The following HLCS variants were observed in gnomAD, a reference collection of about 807,000 sequenced individuals.
HLCS encodes the protein holocarboxylase synthetase.
In HLCS, 53 loss-of-function variants were observed where a neutral mutation model predicts 75.0. The observed-to-expected ratio is 0.71, with a 90% CI of 0.57 to 0.89. HLCS has a LOEUF of 0.89. HLCS is among the 40% of genes least tolerant of loss of function. The pLI is 0.00. For synonymous variants in HLCS, 431 were observed against 428.6 expected, an observed-to-expected ratio of 1.01 and a Z score of -0.07; for missense variants, 966 against 1,074.0, an observed-to-expected ratio of 0.90 and a Z score of 1.41.
At chr21:36,883,079 C>T (rs2064298820) in intron 6 of HLCS, among the ~76,000 whole-genome samples, 1 of 152,158 alleles carries the variant, frequency 6.6e-6, no homozygotes, top group African/African-American at 2.4e-5. Flanking sequence ...TTTGGGATCT[C>T]ACAGTGACGG....
At chr21:36,978,986 T>C (rs538252609) in intron 1 of HLCS, among the ~76,000 whole-genome samples, 3,860 of 151,772 alleles carry the variant, frequency 0.025, 111 homozygotes, top group African/African-American at 0.072. Flanking sequence ...GAAAAAAAAA[T>C]TGGCCAGGTG....
chr21:36,974,754 C>CA (rs2068891866), intron 1 of HLCS: 1 of 152,210 alleles, frequency 6.6e-6, no homozygotes. Flanking sequence ...AGGGAGAAGA[C>CA]AGCCATCTCC....
At chr21:36,927,550 C>T (rs926903449) in intron 5 of HLCS, among the ~76,000 whole-genome samples, 37 of 152,312 alleles carry the variant, frequency 2.4e-4, no homozygotes, top group African/African-American at 8.7e-4. Context: ...AGATAACTAG[C>T]ATATTTATTT....
intron 6 of HLCS, among the ~76,000 whole-genome samples, chr21:36,869,477 T>A (rs2063697957): frequency 6.6e-6 from 1 of 152,208 alleles, no homozygotes; most frequent in Non-Finnish European, 1.5e-5. Flanking sequence ...CATCTCAGCA[T>A]CTACCAGAAA....
chr21:36,980,958 C>T (rs2146738504), intron 1 of HLCS: 1 of 134,290 alleles, frequency 7.4e-6, no homozygotes, highest in South Asian at 2.3e-4. Context: ...CCCTGCCTCG[C>T]CAGCACGGCA....
chr21:36,871,156 A>G (rs1353902496), intron 6 of HLCS, among the ~76,000 whole-genome samples: 1 of 152,230 alleles, frequency 6.6e-6, no homozygotes, highest in Non-Finnish European at 1.5e-5. Context: ...ATGAGGTGTG[A>G]GAAATGAAAA....
intron 2 of HLCS, among the ~76,000 whole-genome samples, chr21:36,960,564 T>C (rs1294502706): frequency 2.0e-5 from 3 of 152,196 alleles, no homozygotes; most frequent in African/African-American, 7.2e-5. Flanking sequence ...TATCCTATAC[T>C]ATCTGCACCT....
intron 2 of HLCS, among the ~76,000 whole-genome samples, chr21:36,944,588 T>C (rs1012961): frequency 0.039 from 5,909 of 152,004 alleles, 245 homozygotes; most frequent in African/African-American, 0.11. Flanking sequence ...CCTGCTTCTT[T>C]GTTTTGATTT....
chr21:36,787,330 C>T (rs556164851), intron 6 of HLCS, among the ~76,000 whole-genome samples: 12 of 152,274 alleles, frequency 7.9e-5, no homozygotes, highest in African/African-American at 2.6e-4. Context: ...TGTTCCTAAC[C>T]ACAATGGGCT....
intron 6 of HLCS, among the ~76,000 whole-genome samples, chr21:36,892,806 C>G (rs1239058301): frequency 6.6e-6 from 1 of 152,170 alleles, no homozygotes; most frequent in Non-Finnish European, 1.5e-5. Flanking sequence ...AGATCTATAT[C>G]TAACATAAAT....
chr21:36,780,803 C>A (rs1193770564), intron 6 of HLCS, among the ~76,000 whole-genome samples: 2 of 152,104 alleles, frequency 1.3e-5, no homozygotes, highest in African/African-American at 4.8e-5. Context: ...TACAGCCTAA[C>A]CAATGGACAG....
At position 36,885,400 on chromosome 21, in the gene HLCS, C is replaced by T. The variant is rs539632144; in HGVS notation, c.1892+11460G>A. On this transcript the variant is annotated intron_variant, in intron 6 of 10. Transcript: ENST00000674895. ...GCTCACGCCTGTGGTCCCAGCTACT[C>T]GGGACGCTGAGGTGGGAGGATCACT... 4.0e-5 allele frequency among the ~76,000 whole-genome samples: 6 copies of T among 151,540 alleles called. No homozygotes were observed. In the South Asian group the frequency reaches 8.3e-4, roughly 21 times the overall value.
chr21:36,953,808 A>G (rs1272914355), intron 2 of HLCS, among the ~76,000 whole-genome samples: 1 of 152,152 alleles, frequency 6.6e-6, no homozygotes, highest in Non-Finnish European at 1.5e-5. Flanking sequence ...CAAGCTTACC[A>G]TATTTGTAAA....
At chr21:36,786,874 G>A (rs1055835187) in intron 6 of HLCS, among the ~76,000 whole-genome samples, 11 of 152,202 alleles carry the variant, frequency 7.2e-5, no homozygotes, top group African/African-American at 2.7e-4. Flanking sequence ...GAAGGATAAC[G>A]AGTGATATGA....
chr21:36,851,480 A>C (rs2063005299), intron 6 of HLCS, among the ~76,000 whole-genome samples: 1 of 152,188 alleles, frequency 6.6e-6, no homozygotes, highest in Admixed American at 6.5e-5. Flanking sequence ...TAAAAATTAA[A>C]ACACTGAACT....
chr21:36,787,447 C>A (rs1005844113), intron 6 of HLCS, among the ~76,000 whole-genome samples: 10 of 152,212 alleles, frequency 6.6e-5, no homozygotes, highest in African/African-American at 2.4e-4. Context: ...TAGCCTCAAT[C>A]TCCTTGTAGA....
chr21:36,832,049 G>A (rs942490754), intron 6 of HLCS, among the ~76,000 whole-genome samples: 23 of 152,162 alleles, frequency 1.5e-4, no homozygotes, highest in African/African-American at 5.1e-4. Context: ...AATCCTTTCA[G>A]TTCCCTGAAG....
At chr21:36,973,227 CT>C (rs11327894) in intron 1 of HLCS, among the ~76,000 whole-genome samples, 30,514 of 90,794 alleles carry the variant, frequency 0.34, 4,180 homozygotes, top group Admixed American at 0.41. Context: ...AAGACCCTGT[CT>C]TTTTTTTTTT....
intron 5 of HLCS, among the ~76,000 whole-genome samples, chr21:36,916,425 C>T (rs1041283607): frequency 4.6e-5 from 7 of 151,682 alleles, no homozygotes; most frequent in Non-Finnish European, 1.0e-4. Flanking sequence ...TGCAGTGGCG[C>T]GATCACAAAC....
Sources: gnomAD v4.1 joint callset for allele counts (sites outside exome capture counted in the v4.1 genomes callset) on GRCh38, gnomAD v4.1.1 for gene constraint, MANE v1.5 for transcripts, NCBI Gene and HGNC (gene_info 2026-07-23, HGNC 2026-07-21) for gene names.